The following ILDR2 variants were observed in gnomAD, a reference collection of about 807,000 sequenced individuals.
ILDR2 encodes immunoglobulin-like domain-containing receptor 2.
Under a neutral mutation model 66.8 loss-of-function variants are expected in ILDR2, and 25 were observed. The observed-to-expected ratio is 0.37, with a 90% CI of 0.27 to 0.52. The LOEUF is 0.52. Among genes scored for constraint, ILDR2 ranks in the 20% least tolerant of loss-of-function variants. The pLI is 0.88. For missense variants in ILDR2, 827 were observed against 876.8 expected (o/e 0.94, Z 0.72); for synonymous variants, 367 against 357.2 (o/e 1.03, Z -0.31).
At chr1:166,941,316 G>A (rs1661300760) in intron 3 of ILDR2, among the ~76,000 whole-genome samples, 1 of 152,154 alleles carries the variant, frequency 6.6e-6, no homozygotes, top group African/African-American at 2.4e-5. Flanking sequence ...AGTCAAGTGG[G>A]ACATTGGAAA....
At chr1:166,902,098 G>A (rs1049475051) in intron 2 of ILDR2, among the ~76,000 whole-genome samples, 85 of 152,212 alleles carry the variant, frequency 5.6e-4, no homozygotes, top group African/African-American at 2.0e-3. Flanking sequence ...GACCTCAGGT[G>A]ATACACCCGC....
chr1:166,944,514 C>T (rs1250328119), intron 3 of ILDR2, among the ~76,000 whole-genome samples: 1 of 152,206 alleles, frequency 6.6e-6, no homozygotes, highest in Non-Finnish European at 1.5e-5. Flanking sequence ...TCTGCCTGGT[C>T]ATGGGGCCTT....
chr1:166,925,220 C>T (rs1660208380), intron 7 of ILDR2, among the ~76,000 whole-genome samples: 1 of 152,204 alleles, frequency 6.6e-6, no homozygotes, highest in South Asian at 2.1e-4. Flanking sequence ...CTGCCCCAAC[C>T]TGAAACCATG....
At chr1:166,967,800 A>G (rs778360684) in intron 1 of ILDR2, among the ~76,000 whole-genome samples, 49 of 152,260 alleles carry the variant, frequency 3.2e-4, no homozygotes, top group Non-Finnish European at 5.1e-4. Flanking sequence ...GTGTTAGTTC[A>G]TGTTGATGAA....
At chr1:166,940,101 CA>C (rs1661221093) in intron 3 of ILDR2, among the ~76,000 whole-genome samples, 2 of 152,168 alleles carry the variant, frequency 1.3e-5, no homozygotes, top group South Asian at 4.1e-4. Context: ...AAAACTAGAT[CA>C]GTTACACATT....
chr1:166,900,743 G>A (rs1434827444), intron 2 of ILDR2, among the ~76,000 whole-genome samples: 1 of 152,098 alleles, frequency 6.6e-6, no homozygotes, highest in African/African-American at 2.4e-5. Flanking sequence ...ATGATTCCTA[G>A]GACTTATATT....
chr1:166,954,866 CT>C (rs1662181570), intron 3 of ILDR2, among the ~76,000 whole-genome samples: 1 of 152,196 alleles, frequency 6.6e-6, no homozygotes, highest in Non-Finnish European at 1.5e-5. Context: ...AGCTTTCACT[CT>C]ATTTATTTCC....
chr1:166,904,368 G>T (rs958341269), downstream of ILDR2, among the ~76,000 whole-genome samples: 4 of 152,192 alleles, frequency 2.6e-5, no homozygotes, highest in African/African-American at 9.7e-5. Context: ...TCTTACCACT[G>T]CATGTTAGTA....
chr1:166,936,064 G>C lies in ILDR2; in HGVS notation c.703+527C>G, dbSNP rs1312752045. 6.6e-6 allele frequency among the ~76,000 whole-genome samples: 1 copy of C among 152,102 alleles called. No homozygotes were observed. The highest frequency in any genetic ancestry group is 1.5e-5 in the Non-Finnish European group (1 of 68,024). On this transcript the variant is annotated intron_variant, in intron 5 of 9. Coordinates refer to ENST00000271417, the MANE Select transcript of ILDR2 (RefSeq NM_199351.3). This position sits in a 1 kb window ranked among gnomAD's most constrained non-coding sequence, Gnocchi z 5.0. Reference sequence around the variant, plus strand: ...GGGTACCAAACTTAATGTCTATATGGGCTTGGCCAGTAAGGTAAAAATTGT... The same window carrying C: ...GGGTACCAAACTTAATGTCTATATGCGCTTGGCCAGTAAGGTAAAAATTGT...
chr1:166,933,112 T>A (rs1660734179), intron 6 of ILDR2, among the ~76,000 whole-genome samples: 1 of 152,196 alleles, frequency 6.6e-6, no homozygotes, highest in South Asian at 2.1e-4. Context: ...CCCTTCCTCT[T>A]TTTCCTTGCT....
chr1:166,920,581 G>GC, intron 9 of ILDR2, 126 bp downstream of exon 9: 2 of 1,102,748 alleles, frequency 1.8e-6, no homozygotes, highest in Non-Finnish European at 2.4e-6. Context: ...GCAGGCCCCT[G>GC]CGGCCTCTCC....
At chr1:166,897,687 C>T (rs1180493436) in intron 2 of ILDR2, among the ~76,000 whole-genome samples, 4 of 152,164 alleles carry the variant, frequency 2.6e-5, no homozygotes, top group African/African-American at 9.7e-5. Context: ...GGTGAGCCTC[C>T]TCGTTGGTAA....
At chr1:166,903,716 A>C (rs926995655), downstream of ILDR2, among the ~76,000 whole-genome samples, 4 of 152,068 alleles carry the variant, frequency 2.6e-5, no homozygotes, top group Admixed American at 1.3e-4. Flanking sequence ...ATCAGCTCCT[A>C]TGTCCTTCCT....
intron 8 of ILDR2, among the ~76,000 whole-genome samples, chr1:166,922,304 T>G (rs1659998454): frequency 6.6e-6 from 1 of 152,116 alleles, no homozygotes; most frequent in African/African-American, 2.4e-5. Context: ...TTGTAGAGGT[T>G]ATAGGATAAA....
At chr1:166,897,580 G>A (rs1282691642) in intron 2 of ILDR2, among the ~76,000 whole-genome samples, 1 of 152,178 alleles carries the variant, frequency 6.6e-6, no homozygotes, top group Admixed American at 6.5e-5. Flanking sequence ...GGGGAGGAGT[G>A]GGGACTTGGA....
At chr1:166,947,317 C>T (rs543432273) in intron 3 of ILDR2, among the ~76,000 whole-genome samples, 2 of 152,328 alleles carry the variant, frequency 1.3e-5, no homozygotes, top group Admixed American at 1.3e-4. Flanking sequence ...TGGCCACTTT[C>T]TTTAACCAAA....
intron 3 of ILDR2, among the ~76,000 whole-genome samples, chr1:166,952,068 G>A (rs751793557): frequency 3.7e-4 from 57 of 152,162 alleles, no homozygotes; most frequent in Non-Finnish European, 5.9e-5. Context: ...CCCTCAGATT[G>A]TACATCGAAA....
chr1:166,923,216 GAA>G lies in ILDR2; in HGVS notation c.995-409_995-408del, dbSNP rs1488507718. Among the ~76,000 whole-genome samples the G allele has an allele frequency of 3.3e-5, 5 of 152,250 alleles. 1 individual carries two copies. The highest frequency in any genetic ancestry group is 1.2e-4 in the African/African-American group (5 of 41,542). The stretch of plus-strand genomic sequence containing the variant: ...TCCTAGACATGTTAAGCCAAAAACA[GAA>G]AAAGAGAGACAGAAGCCATAGATCA... On this transcript the variant is annotated intron_variant, in intron 7 of 9. Coordinates refer to ENST00000271417, the MANE Select transcript of ILDR2 (RefSeq NM_199351.3).
intron 6 of ILDR2, among the ~76,000 whole-genome samples, chr1:166,929,880 G>T (rs901777280): frequency 1.6e-4 from 25 of 152,070 alleles, no homozygotes; most frequent in Admixed American, 9.8e-4. Flanking sequence ...TGGGTATCAT[G>T]ATTATTATTA....
Sources: gnomAD v4.1 joint callset for allele counts (sites outside exome capture counted in the v4.1 genomes callset) on GRCh38, gnomAD v4.1.1 for gene constraint, Gnocchi (gnomAD v3.1) non-coding constraint, MANE v1.5 for transcripts, NCBI Gene and HGNC (gene_info 2026-07-23, HGNC 2026-07-21) for gene names.